Variants in FSD1L observed in about 807,000 individuals in gnomAD.
FSD1L encodes FSD1-like protein.
A neutral mutation model predicts 71.6 loss-of-function variants in FSD1L; 45 were observed. The ratio of observed to expected loss-of-function variants is 0.63; its 90% CI spans 0.49 to 0.81. The LOEUF (loss-of-function observed/expected upper bound fraction) is 0.81. Among genes scored for constraint, FSD1L ranks in the 30% least tolerant of loss-of-function variants. The pLI is 0.00. For synonymous variants in FSD1L, 197 were observed against 207.2 expected, an observed-to-expected ratio of 0.95 and a Z score of 0.42; for missense variants, 561 against 618.1, an observed-to-expected ratio of 0.91 and a Z score of 0.98.
chr9:105,445,972 TC>T (rs1829633489), upstream of FSD1L, among the ~76,000 whole-genome samples: 1 of 152,218 alleles, frequency 6.6e-6, no homozygotes, highest in South Asian at 2.1e-4. Flanking sequence ...GCCAAGCTCT[TC>T]TTTTCCCTTT....
intron 1 of FSD1L, among the ~76,000 whole-genome samples, chr9:105,455,631 T>C (rs775093323): frequency 1.3e-5 from 2 of 152,196 alleles, no homozygotes; most frequent in Admixed American, 1.3e-4. Context: ...GCAGAGGTTC[T>C]GGGGACAACC....
chr9:105,507,937 G>C lies in FSD1L; in HGVS notation c.797-680G>C, dbSNP rs1425210196. On this transcript the variant is annotated intron_variant, in intron 8 of 13. Coordinates refer to ENST00000481272, the MANE Select transcript of FSD1L (RefSeq NM_001145313.3). ...ACAGAGTTTCACTCTTGTTGTCCAG[G>C]CTGGAGTGCAATTGCACGATCTCGG... Among the ~76,000 whole-genome samples the C allele has an allele frequency of 2.1e-5, 3 of 142,112 alleles. No individual in the cohort carries two copies. The East Asian group carries it at 6.1e-4, about 29-fold the overall frequency. The allele number at this position is 142,112 out of a possible 152,430, so 93.2% of individuals were successfully genotyped here. A position where few individuals can be genotyped will look rare whatever the true frequency, so the allele number is the denominator to read the frequency against.
intron 5 of FSD1L, among the ~76,000 whole-genome samples, chr9:105,476,365 C>T (rs1156661201): frequency 6.6e-6 from 1 of 152,080 alleles, no homozygotes; most frequent in African/African-American, 2.4e-5. Context: ...TTTCTTTAAT[C>T]AGTCATAGAA....
intron 10 of FSD1L, chr9:105,523,158 A>G (rs1835290723): frequency 3.1e-6 from 5 of 1,614,018 alleles, no homozygotes; most frequent in Non-Finnish European, 3.4e-6. Flanking sequence ...TTCTGAAACA[A>G]GCAGTCTTAA....
intron 7 of FSD1L, among the ~76,000 whole-genome samples, chr9:105,498,018 C>CT (rs1833523896): frequency 6.6e-6 from 1 of 151,580 alleles, no homozygotes; most frequent in African/African-American, 2.4e-5. Context: ...TAATTTAAAT[C>CT]TTTTTTTGTA....
chr9:105,518,650 A>G (rs1377360800), intron 10 of FSD1L, among the ~76,000 whole-genome samples: 1 of 152,220 alleles, frequency 6.6e-6, no homozygotes, highest in Non-Finnish European at 1.5e-5. Flanking sequence ...TCTCTGGGAC[A>G]CATTCAAAGC....
chr9:105,511,744 G>T lies in FSD1L; in HGVS notation c.896-1063G>T, dbSNP rs569508684. The stretch of plus-strand genomic sequence containing the variant: ...AAAGTGCTCTTTACAGAACAGTAGG[G>T]GATAAAAGGATTATTGATTCATTAG... On this transcript the variant is annotated intron_variant, in intron 9 of 13. Transcript: ENST00000481272. 1.4e-4 allele frequency among the ~76,000 whole-genome samples: 22 copies of T among 152,086 alleles called. 1 individual carries two copies. The highest frequency in any genetic ancestry group is 2.9e-4 in the African/African-American group (12 of 41,516).
chr9:105,474,344 G>T (rs147412165), intron 5 of FSD1L, among the ~76,000 whole-genome samples: 1 of 152,150 alleles, frequency 6.6e-6, no homozygotes, highest in African/African-American at 2.4e-5. Flanking sequence ...TGACTGAAAC[G>T]TAGTTATGTG....
At chr9:105,483,777 G>A (rs993554811) in intron 6 of FSD1L, among the ~76,000 whole-genome samples, 1 of 152,034 alleles carries the variant, frequency 6.6e-6, no homozygotes, top group Non-Finnish European at 1.5e-5. Flanking sequence ...CTTCCCTATA[G>A]CTGATGTTGA....
intron 8 of FSD1L, among the ~76,000 whole-genome samples, 199 bp from the exon 9 acceptor site, chr9:105,508,418 C>T (rs1834194777): frequency 6.7e-6 from 1 of 150,080 alleles, no homozygotes; most frequent in African/African-American, 2.5e-5. Flanking sequence ...ACCTTGTGAT[C>T]CGCCCACCTG....
At chr9:105,462,856 T>TG (rs1830802919) in intron 2 of FSD1L, among the ~76,000 whole-genome samples, 1 of 150,152 alleles carries the variant, frequency 6.7e-6, no homozygotes, top group African/African-American at 2.5e-5. Context: ...TATAAAATGT[T>TG]GCCAGGTATG....
rs1362006519 is a variant in FSD1L at position 105,551,930 on chromosome 9, T to C, written c.*5447T>C. ...AGCTTGTTGTCACGGATAAATGATA[T>C]AAAATGTAACCACTGAACATTTGAC... On this transcript the variant is annotated 3_prime_UTR_variant, in exon 14 of 14. Transcript: ENST00000481272. The C allele has an allele frequency of 2.0e-5, 3 of 152,246 alleles. No homozygotes were observed. Among genetic ancestry groups the C allele is most frequent in the Non-Finnish European group, 4.4e-5 (3 of 68,028 alleles). The allele number at this position is 152,246 out of a possible 1,614,324, so 9.4% of individuals were successfully genotyped here. A position where few individuals can be genotyped will look rare whatever the true frequency, so the allele number is the denominator to read the frequency against.
At chr9:105,523,581 G>A (rs773095532) in intron 10 of FSD1L, 24 of 1,611,668 alleles carry the variant, frequency 1.5e-5, no homozygotes, top group Non-Finnish European at 2.0e-5. Flanking sequence ...CATTTCAGCT[G>A]ATAACCTGAC....
intron 2 of FSD1L, 29 bp from the exon 3 acceptor site, chr9:105,464,207 T>C (rs1011446757): frequency 4.5e-5 from 50 of 1,100,602 alleles, no homozygotes; most frequent in Admixed American, 3.7e-4. Context: ...CATTGAAATA[T>C]AGTATTTTAA....
rs569628344 is a variant in FSD1L at position 105,486,131 on chromosome 9, A to G, written c.586+1629A>G. On this transcript the variant is annotated intron_variant, in intron 7 of 13. Transcript: ENST00000481272. ...TTGTGTGATATAGATTAGAAGCTCTAGAGGAGTTCATAAAATGAAAAGATG... is the reference window on the plus strand; with the variant it reads ...TTGTGTGATATAGATTAGAAGCTCTGGAGGAGTTCATAAAATGAAAAGATG... Among the ~76,000 whole-genome samples, 3 of 152,312 alleles carry G rather than the reference A, an allele frequency of 2.0e-5. No homozygotes were observed. In the South Asian group the frequency reaches 6.2e-4, roughly 32 times the overall value.
At chr9:105,521,492 G>C in intron 10 of FSD1L, 3 of 1,613,876 alleles carry the variant, frequency 1.9e-6, no homozygotes, top group Non-Finnish European at 2.5e-6. Flanking sequence ...TTGTGACAGA[G>C]ATATTTCGTC....
At chr9:105,461,350 T>C (rs1830681971) in intron 1 of FSD1L, among the ~76,000 whole-genome samples, 170 bp from the exon 2 acceptor site, 1 of 151,996 alleles carries the variant, frequency 6.6e-6, no homozygotes, top group Non-Finnish European at 1.5e-5. Context: ...TTTTGAACAC[T>C]CCGTACCAAA....
intron 13 of FSD1L, among the ~76,000 whole-genome samples, chr9:105,546,038 A>T (rs76786538): frequency 2.0e-5 from 3 of 152,144 alleles, no homozygotes; most frequent in African/African-American, 7.2e-5. Flanking sequence ...GGTTGTGAAA[A>T]TTAGCATCAG....
Position 105,506,614 on chromosome 9 carries a change from A to ATG in FSD1L, c.796+7_796+8dup. 6.6e-7 allele frequency: 1 copy of ATG among 1,510,416 alleles called. No homozygotes were observed. Among genetic ancestry groups the ATG allele is most frequent in the Non-Finnish European group, 9.0e-7 (1 of 1,109,644 alleles). 93.6% of individuals were successfully genotyped at this position (1,510,416 alleles called of 1,614,324 possible). On this transcript the variant is annotated splice_region_variant and intron_variant, in intron 8 of 13. Transcript: ENST00000481272. ...TACTGAATATACACTATCAGGTAAC[A>ATG]TGACTGCATTTTAGGACTCTCATTC...
Sources: allele counts gnomAD v4.1 joint callset (sites outside exome capture counted in the v4.1 genomes callset), GRCh38; gene constraint gnomAD v4.1.1; transcripts MANE v1.5; gene names NCBI Gene and HGNC (gene_info 2026-07-23, HGNC 2026-07-21).